ADAMTS3: variants seen among roughly 807,000 people sequenced by gnomAD.
ADAMTS3 encodes the protein ADAM metallopeptidase with thrombospondin type 1 motif 3, also known as A disintegrin and metalloproteinase with thrombospondin motifs 3.
In ADAMTS3, 73 loss-of-function variants were observed where a neutral mutation model predicts 129.0. That is an observed-to-expected ratio of 0.57 (90% confidence interval 0.47 to 0.69). The LOEUF (loss-of-function observed/expected upper bound fraction) is 0.69. Ranked by LOEUF, ADAMTS3 falls within the 30% of genes least tolerant of loss-of-function variation. The pLI, the probability that ADAMTS3 is intolerant of heterozygous loss-of-function variation, is 0.00. For synonymous variants in ADAMTS3, 477 were observed against 510.8 expected (o/e 0.93, Z 0.89); for missense variants, 1,457 against 1,514.5 (o/e 0.96, Z 0.63).
intron 3 of ADAMTS3, among the ~76,000 whole-genome samples, chr4:72,531,366 C>T (rs1405386746): frequency 1.3e-5 from 2 of 152,082 alleles, no homozygotes; most frequent in African/African-American, 4.8e-5. Flanking sequence ...TAAATTTAGA[C>T]AGCCAAGTGG....
rs559990075 is a variant in ADAMTS3, at chr4:72,543,308, T to C, written c.504+5170A>G. On this transcript the variant is annotated intron_variant, in intron 3 of 21. Transcript: ENST00000286657. ...TACCATGGGGAACAGTATGGCAATTTTTTTCCAAAAATTAAAAATAGAATG... is the reference window on the plus strand; with the variant it reads ...TACCATGGGGAACAGTATGGCAATTCTTTTCCAAAAATTAAAAATAGAATG... Among the ~76,000 whole-genome samples the C allele has an allele frequency of 2.6e-5, 4 of 152,174 alleles. No individual in the cohort carries two copies. The South Asian group carries it at 8.3e-4, about 32-fold the overall frequency.
chr4:72,413,390 C>A (rs778351214), intron 4 of ADAMTS3, among the ~76,000 whole-genome samples: 4 of 151,874 alleles, frequency 2.6e-5, no homozygotes, highest in Non-Finnish European at 4.4e-5. Context: ...ATGGAACAAC[C>A]AAGAAAAATC....
Position 72,548,891 on chromosome 4 carries a change from G to A in ADAMTS3, c.98-7C>T. ...TATCTCTTTATTGGTAAATCTGTGG[G>A]GTGAAAAACAGAACTGTCAAACCCT... On this transcript the variant is annotated splice_region_variant and splice_polypyrimidine_tract_variant and intron_variant, in intron 2 of 21. Transcript: ENST00000286657. The A allele has an allele frequency of 1.3e-6, 2 of 1,597,786 alleles. No individual in the cohort carries two copies. Among genetic ancestry groups the A allele is most frequent in the Admixed American group, 1.7e-5 (1 of 59,626 alleles).
chr4:72,295,585 T>G (rs955546086), intron 19 of ADAMTS3, 69 bp downstream of exon 19: 69 of 1,500,048 alleles, frequency 4.6e-5, no homozygotes, highest in Non-Finnish European at 5.8e-5. Flanking sequence ...AAATCAAAAC[T>G]AAAAAGAGCT....
At chr4:72,493,819 T>G (rs2110017186) in intron 3 of ADAMTS3, among the ~76,000 whole-genome samples, 1 of 152,220 alleles carries the variant, frequency 6.6e-6, no homozygotes. Context: ...TCACTATTTC[T>G]CCCTCATTTT....
Position 72,417,931 on chromosome 4 carries a change from T to TTAAAAAAAAAAAAAAAAAAAAAAAA in ADAMTS3, c.505-2961_505-2960insTTTTTTTTTTTTTTTTTTTTTTTTA, listed in dbSNP as rs76545577. ...CTGGGCGACAGAGGGAGACTCCATC[T>TTAAAAAAAAAAAAAAAAAAAAAAAA]CAAAAAAAAAAAAGTAAGTACTTTA... is the stretch of plus-strand genomic sequence containing the variant. On this transcript the variant is annotated intron_variant, in intron 3 of 21. Transcript: ENST00000286657. 2.1e-4 allele frequency among the ~76,000 whole-genome samples: 21 copies of TTAAAAAAAAAAAAAAAAAAAAAAAA among 100,678 alleles called. 4 individuals carry two copies. Among genetic ancestry groups the TTAAAAAAAAAAAAAAAAAAAAAAAA allele is most frequent in the African/African-American group, 7.1e-4 (19 of 26,802 alleles). The allele number at this position is 100,678 out of a possible 152,430, so 66.0% of individuals were successfully genotyped here. A position where few individuals can be genotyped will look rare whatever the true frequency, so the allele number is the denominator to read the frequency against.
intron 3 of ADAMTS3, among the ~76,000 whole-genome samples, chr4:72,466,416 A>G (rs187701656): frequency 2.7e-4 from 41 of 152,196 alleles, no homozygotes; most frequent in African/African-American, 8.9e-4. Flanking sequence ...CTGTTTGGAG[A>G]AAAGACACTA....
intron 3 of ADAMTS3, among the ~76,000 whole-genome samples, chr4:72,450,845 C>T (rs1164716755): frequency 6.6e-6 from 1 of 151,072 alleles, no homozygotes; most frequent in Non-Finnish European, 1.5e-5. Flanking sequence ...AACAGCATAC[C>T]AATGATTCCA....
chr4:72,446,155 T>A (rs1718247561), intron 3 of ADAMTS3, among the ~76,000 whole-genome samples: 1 of 151,696 alleles, frequency 6.6e-6, no homozygotes, highest in Admixed American at 6.6e-5. Flanking sequence ...ATCTCTCCCC[T>A]AATGTTTTCA....
chr4:72,482,962 G>C (rs897699548), intron 3 of ADAMTS3, among the ~76,000 whole-genome samples: 3 of 152,134 alleles, frequency 2.0e-5, no homozygotes, highest in Admixed American at 6.5e-5. Context: ...ATCTATAAAA[G>C]AGAATAACTA....
chr4:72,319,547 A>C, intron 8 of ADAMTS3, 72 bp from the exon 9 acceptor site: 1 of 1,511,082 alleles, frequency 6.6e-7, no homozygotes, highest in Non-Finnish European at 8.9e-7. Context: ...TTTTGAAAAT[A>C]AGCCCTGGGA....
rs139269632 is a variant in ADAMTS3 at position 72,550,243 on chromosome 4, C to T, written c.98-1359G>A. Among the ~76,000 whole-genome samples, 354 of 152,018 alleles carry T rather than the reference C, an allele frequency of 2.3e-3. 1 individual carries two copies. Among genetic ancestry groups the T allele is most frequent in the African/African-American group, 8.1e-3 (335 of 41,496 alleles). ...ATGGTATGATTCACAAAACTGCTCA[C>T]CTATGGAGATCACGAGTTTTGTCAT... On this transcript the variant is annotated intron_variant, in intron 2 of 21. Coordinates refer to ENST00000286657, the MANE Select transcript of ADAMTS3 (RefSeq NM_014243.3).
intron 4 of ADAMTS3, among the ~76,000 whole-genome samples, chr4:72,396,272 C>T (rs1414167407): frequency 1.3e-5 from 2 of 152,096 alleles, no homozygotes; most frequent in Non-Finnish European, 2.9e-5. Flanking sequence ...TGTAACAGCA[C>T]AGTTTTCTCA....
chr4:72,305,532 A>G (rs1290805549), intron 16 of ADAMTS3, among the ~76,000 whole-genome samples: 1 of 152,038 alleles, frequency 6.6e-6, no homozygotes, highest in East Asian at 1.9e-4. Flanking sequence ...CAAAAAGTGT[A>G]TAAGAAATAT....
intron 4 of ADAMTS3, among the ~76,000 whole-genome samples, chr4:72,410,266 C>T (rs1349116394): frequency 6.6e-6 from 1 of 152,068 alleles, no homozygotes; most frequent in African/African-American, 2.4e-5. Context: ...TAGTTTCATT[C>T]CCTGGCAACC....
At chr4:72,283,843 T>G in intron 21 of ADAMTS3, 139 bp from the exon 22 acceptor site, 1 of 645,678 alleles carries the variant, frequency 1.5e-6, no homozygotes, top group Non-Finnish European at 2.5e-6. Context: ...CACGAGCTTT[T>G]GCATTAAAAA....
Position 72,323,051 on chromosome 4 carries a change from A to C in ADAMTS3, c.908T>G (p.Val303Gly). Residue 303 changes from valine (V) to glycine (G), a missense_variant, in exon 6 of 22, where the codon GTG (valine) becomes GGG (glycine). Transcript: ENST00000286657. ...HDESLGVHINVVLVRMIMLGY... is the reference protein window; with the variant it reads ...HDESLGVHINGVLVRMIMLGY... Reference sequence around the variant, plus strand: ...CAGCATTATCATGCGCACCAGGACCACATTTATATGCACTCCGAGGGACTC... The same window carrying C: ...CAGCATTATCATGCGCACCAGGACCCCATTTATATGCACTCCGAGGGACTC... The C allele has an allele frequency of 6.2e-7, 1 of 1,613,742 alleles. No homozygotes were observed. The highest frequency in any genetic ancestry group is 8.5e-7 in the Non-Finnish European group (1 of 1,179,760).
At chr4:72,339,984 T>A (rs1055618380) in intron 4 of ADAMTS3, among the ~76,000 whole-genome samples, 2 of 152,130 alleles carry the variant, frequency 1.3e-5, no homozygotes, top group African/African-American at 4.8e-5. Flanking sequence ...TCAGTTTTTC[T>A]CCCAGCAAAG....
chr4:72,472,126 C>T (rs1337451739), intron 3 of ADAMTS3, among the ~76,000 whole-genome samples: 1 of 152,082 alleles, frequency 6.6e-6, no homozygotes, highest in Non-Finnish European at 1.5e-5. Flanking sequence ...AAAAATGAGA[C>T]AGGGCTTGAC....
Sources: gnomAD v4.1 joint callset for allele counts (sites outside exome capture counted in the v4.1 genomes callset) on GRCh38, gnomAD v4.1.1 for gene constraint, MANE v1.5 for transcripts, NCBI Gene and HGNC (gene_info 2026-07-23, HGNC 2026-07-21) for gene names.